ANXA10: variants seen among roughly 807,000 people sequenced by gnomAD.
ANXA10 encodes annexin A10.
In ANXA10, 49 loss-of-function variants were observed where a neutral mutation model predicts 53.5. The ratio of observed to expected loss-of-function variants is 0.92; its 90% CI spans 0.73 to 1.16. ANXA10 has a LOEUF of 1.16. ANXA10 is among the 50% of genes most tolerant of loss of function. ANXA10 has a pLI of 0.00. For synonymous variants in ANXA10, 131 were observed against 128.9 expected, an observed-to-expected ratio of 1.02 and a Z score of -0.11; for missense variants, 393 against 394.4, an observed-to-expected ratio of 1.00 and a Z score of 0.03.
At chr4:168,135,490 G>A (rs892571159) in intron 2 of ANXA10, among the ~76,000 whole-genome samples, 9 of 152,226 alleles carry the variant, frequency 5.9e-5, no homozygotes, top group African/African-American at 2.2e-4. Flanking sequence ...TTAGGAGCCT[G>A]TAGTTGGGAA....
chr4:168,097,378 T>C (rs1006310387), intron 1 of ANXA10, among the ~76,000 whole-genome samples: 1 of 152,058 alleles, frequency 6.6e-6, no homozygotes, highest in East Asian at 1.9e-4. Context: ...CCAGAAGTAT[T>C]CCAGGGCCAA....
intron 5 of ANXA10, among the ~76,000 whole-genome samples, chr4:168,164,718 T>G (rs1043618088): frequency 4.6e-5 from 7 of 152,252 alleles, no homozygotes; most frequent in Non-Finnish European, 7.3e-5. Context: ...AATCAGATTT[T>G]TATACATTTC....
intron 2 of ANXA10, among the ~76,000 whole-genome samples, chr4:168,132,810 G>A (rs1298213568): frequency 6.6e-6 from 1 of 151,994 alleles, no homozygotes; most frequent in Non-Finnish European, 1.5e-5. Flanking sequence ...TTAAATTTTA[G>A]TAATAATTAT....
At chr4:168,176,534 A>G (rs1240851691) in intron 6 of ANXA10, among the ~76,000 whole-genome samples, 1 of 152,112 alleles carries the variant, frequency 6.6e-6, no homozygotes, top group African/African-American at 2.4e-5. Context: ...AAGCTTCCCC[A>G]CAGGTTCTCA....
chr4:168,169,194 T>G (rs911090389), intron 6 of ANXA10, among the ~76,000 whole-genome samples: 1 of 152,214 alleles, frequency 6.6e-6, no homozygotes, highest in African/African-American at 2.4e-5. Context: ...ATTGACAAGA[T>G]GCCAATTGAA....
At chr4:168,135,185 A>C (rs1731216929) in intron 2 of ANXA10, among the ~76,000 whole-genome samples, 1 of 152,344 alleles carries the variant, frequency 6.6e-6, no homozygotes, top group South Asian at 2.1e-4. Context: ...GTAGGAAAGA[A>C]CTAAAGGATG....
intron 1 of ANXA10, among the ~76,000 whole-genome samples, chr4:168,122,219 T>C (rs188886727): frequency 6.6e-6 from 1 of 152,348 alleles, no homozygotes; most frequent in East Asian, 1.9e-4. Flanking sequence ...CATTGAAGTC[T>C]CTTCAGATCA....
At chr4:168,159,531 G>A (rs542383277) in intron 3 of ANXA10, among the ~76,000 whole-genome samples, 24 of 152,248 alleles carry the variant, frequency 1.6e-4, no homozygotes, top group South Asian at 1.5e-3. Flanking sequence ...AGAGATAGGC[G>A]GGAGCATTAA....
At chr4:168,179,340 C>CA (rs1278355386) in intron 9 of ANXA10, 28 bp downstream of exon 9, 1 of 1,479,314 alleles carries the variant, frequency 6.8e-7, no homozygotes, top group Non-Finnish European at 9.4e-7. Flanking sequence ...TGAAGCACAA[C>CA]AGACATTTTA....
In ANXA10 at chr4:168,184,592, A is replaced by T. The variant is rs1732326612; in HGVS notation, c.817A>T (p.Ile273Phe). The T allele has an allele frequency of 2.5e-6, 4 of 1,614,042 alleles. No individual in the cohort carries two copies. Among genetic ancestry groups the T allele is most frequent in the Non-Finnish European group, 3.4e-6 (4 of 1,179,904 alleles). The change falls in exon 11 of 12, where the codon ATT (isoleucine) becomes TTT (phenylalanine). Residue 273 changes from isoleucine (I) to phenylalanine (F), a missense_variant. Transcript: ENST00000359299. ...TTTCCATAATAAAACTGTAATCAGG[A>T]TTCTCATTGCCAGAAGTGAAATAGA... ...FGFHNKTVIR[I>F]LIARSEIDLL...
rs1731624122 is a variant in ANXA10 at position 168,155,791 on chromosome 4, TA to T, written c.196-6736del. On this transcript the variant is annotated intron_variant, in intron 3 of 11. Transcript: ENST00000359299. ...GATATATCATATATTATATATTATA[TA>T]TAATATATAATATATGATATATTAT... is the stretch of plus-strand genomic sequence containing the variant. 4.5e-5 allele frequency among the ~76,000 whole-genome samples: 2 copies of T among 44,884 alleles called. 1 individual carries two copies. Among genetic ancestry groups the T allele is most frequent in the South Asian group, 1.4e-3 (2 of 1,402 alleles). 29.4% of individuals were successfully genotyped at this position (44,884 alleles called of 152,430 possible).
At chr4:168,184,471 G>T in intron 10 of ANXA10, 88 bp from the exon 11 acceptor site, 2 of 1,468,202 alleles carry the variant, frequency 1.4e-6, no homozygotes. Flanking sequence ...AAGAGAAAAT[G>T]ACTACAGAAA....
chr4:168,162,467 A>T, intron 3 of ANXA10, 61 bp from the exon 4 acceptor site: 224 of 879,870 alleles, frequency 2.5e-4, no homozygotes, highest in Non-Finnish European at 3.9e-4. Flanking sequence ...TTCTGCAATT[A>T]TCTCATTTCT....
chr4:168,157,532 G>A lies in ANXA10; in HGVS notation c.196-4996G>A, dbSNP rs535550863. Among the ~76,000 whole-genome samples, 7 of 152,236 alleles carry A rather than the reference G, an allele frequency of 4.6e-5. No individual in the cohort carries two copies. In the East Asian group the frequency reaches 7.7e-4, roughly 17 times the overall value. On this transcript the variant is annotated intron_variant, in intron 3 of 11. Transcript: ENST00000359299. ...ACCTGTCTCAGCCTCCCAAAGTCTT[G>A]GGATTACAGGCGTAAGCCACCACGC...
At chr4:168,177,147 C>T (rs1231059037) in intron 6 of ANXA10, among the ~76,000 whole-genome samples, 3 of 152,146 alleles carry the variant, frequency 2.0e-5, no homozygotes, top group Non-Finnish European at 4.4e-5. Flanking sequence ...CCTCCTTCTC[C>T]CCACTGGCCC....
At chr4:168,170,474 A>T (rs1731962571) in intron 6 of ANXA10, among the ~76,000 whole-genome samples, 1 of 152,166 alleles carries the variant, frequency 6.6e-6, no homozygotes, top group Admixed American at 6.5e-5. Flanking sequence ...TTAAGTTTAG[A>T]GTTTTAGGCT....
At chr4:168,144,818 C>T (rs192570774) in intron 3 of ANXA10, among the ~76,000 whole-genome samples, 3 of 152,304 alleles carry the variant, frequency 2.0e-5, no homozygotes, top group East Asian at 3.9e-4. Context: ...CCAACTAGGA[C>T]ACCCTGAGGT....
At chr4:168,180,008 T>C (rs949666283) in intron 9 of ANXA10, among the ~76,000 whole-genome samples, 2 of 152,162 alleles carry the variant, frequency 1.3e-5, no homozygotes, top group African/African-American at 4.8e-5. Flanking sequence ...ATCGAAGGCG[T>C]AGTCAAGTAA....
chr4:168,106,637 G>A (rs1225682306), intron 1 of ANXA10, among the ~76,000 whole-genome samples: 1 of 152,032 alleles, frequency 6.6e-6, no homozygotes, highest in Non-Finnish European at 1.5e-5. Context: ...TTACCACTTT[G>A]TACAGCAAGG....
Sources: gnomAD v4.1 joint callset for allele counts (sites outside exome capture counted in the v4.1 genomes callset) on GRCh38, gnomAD v4.1.1 for gene constraint, MANE v1.5 for transcripts, NCBI Gene and HGNC (gene_info 2026-07-23, HGNC 2026-07-21) for gene names.